The following EML6 variants were observed in gnomAD, a reference collection of about 807,000 sequenced individuals.
The protein encoded by EML6 is echinoderm microtubule-associated protein-like 6.
EML6 carries 154 observed loss-of-function variants against 240.1 expected under a neutral mutation model. The ratio of observed to expected loss-of-function variants is 0.64; its 90% confidence interval spans 0.56 to 0.73. EML6 has a LOEUF of 0.73. Ranked by LOEUF, EML6 falls within the 30% of genes least tolerant of loss-of-function variation. The pLI, the probability that EML6 is intolerant of heterozygous loss-of-function variation, is 0.00. For missense variants in EML6, 2,964 were observed against 2,474.6 expected (o/e 1.20, Z -4.20); for synonymous variants, 1,148 against 899.0 (o/e 1.28, Z -4.95).
At chr2:54,888,486 G>C (rs558103033) in intron 17 of EML6, among the ~76,000 whole-genome samples, 78 of 152,242 alleles carry the variant, frequency 5.1e-4, no homozygotes, top group African/African-American at 1.9e-3. Flanking sequence ...TGCCCTAAAA[G>C]TTCTTTGTGT....
At chr2:54,961,287 C>T (rs1037153898) in intron 35 of EML6, among the ~76,000 whole-genome samples, 2 of 147,952 alleles carry the variant, frequency 1.4e-5, no homozygotes, top group South Asian at 2.1e-4. Flanking sequence ...TGGGTTCGAG[C>T]GATTCTCCTG....
chr2:54,789,353 A>C (rs1010317750), intron 2 of EML6, among the ~76,000 whole-genome samples: 2 of 150,978 alleles, frequency 1.3e-5, no homozygotes, highest in African/African-American at 4.9e-5. Flanking sequence ...CTCTACTAAA[A>C]ATACAAAAAA....
At chr2:54,790,246 A>G (rs894004341) in intron 2 of EML6, among the ~76,000 whole-genome samples, 2 of 152,208 alleles carry the variant, frequency 1.3e-5, no homozygotes, top group African/African-American at 4.8e-5. Flanking sequence ...GTATGGTGAC[A>G]ATTCATCCAC....
intron 28 of EML6, among the ~76,000 whole-genome samples, chr2:54,935,087 A>T (rs1356690807): frequency 6.6e-6 from 1 of 151,986 alleles, no homozygotes; most frequent in African/African-American, 2.4e-5. Context: ...GGCTCAACAA[A>T]TTTTCATTAA....
At chr2:54,867,809 C>A (rs763135142) in intron 14 of EML6, 13 of 152,166 alleles carry the variant, frequency 8.5e-5, no homozygotes, top group African/African-American at 1.4e-4. Flanking sequence ...TTACATCATT[C>A]ATATTTCTAC....
At chr2:54,849,454 G>T (rs768461113) in intron 9 of EML6, among the ~76,000 whole-genome samples, 20 of 152,176 alleles carry the variant, frequency 1.3e-4, no homozygotes, top group South Asian at 2.1e-4. Flanking sequence ...TACTTTGGAA[G>T]CCCAAAATAT....
At chr2:54,873,540 A>G (rs1248597463) in intron 16 of EML6, among the ~76,000 whole-genome samples, 1 of 151,984 alleles carries the variant, frequency 6.6e-6, no homozygotes, top group Non-Finnish European at 1.5e-5. Flanking sequence ...AACCTAAAAG[A>G]AGCTGTAATT....
intron 28 of EML6, among the ~76,000 whole-genome samples, chr2:54,933,287 C>T (rs1674956536): frequency 2.0e-5 from 3 of 152,194 alleles, no homozygotes; most frequent in South Asian, 4.1e-4. Flanking sequence ...TGGAAATAGT[C>T]ACCTGCCACC....
At chr2:54,897,319 A>G (rs930177271) in intron 21 of EML6, among the ~76,000 whole-genome samples, 3 of 152,094 alleles carry the variant, frequency 2.0e-5, no homozygotes, top group Non-Finnish European at 2.9e-5. Context: ...ATTCTTTCCT[A>G]TGTTTGTTTC....
chr2:54,847,108 A>G (rs1330054528), intron 8 of EML6, among the ~76,000 whole-genome samples: 1 of 150,982 alleles, frequency 6.6e-6, no homozygotes, highest in Non-Finnish European at 1.5e-5. Flanking sequence ...GTGTCTCATT[A>G]TATTGCCCAG....
intron 18 of EML6, among the ~76,000 whole-genome samples, chr2:54,891,891 C>G (rs1351891481): frequency 6.6e-6 from 1 of 152,166 alleles, no homozygotes; most frequent in Non-Finnish European, 1.5e-5. Context: ...GTGTAAGGGA[C>G]AAATCTAATG....
At chr2:54,899,530 T>C (rs1444678638) in intron 21 of EML6, 111 bp from the exon 22 acceptor site, 10 of 1,084,606 alleles carry the variant, frequency 9.2e-6, no homozygotes, top group Non-Finnish European at 1.3e-5. Flanking sequence ...TGTTTATTCC[T>C]ATTTGTGCTT....
Position 54,725,267 on chromosome 2 carries a change from G to A in EML6, c.197+9G>A, listed in dbSNP as rs1312798553. The A allele has an allele frequency of 7.1e-7, 1 of 1,412,216 alleles. No homozygotes were observed. Among genetic ancestry groups the A allele is most frequent in the Admixed American group, 2.8e-5 (1 of 36,130 alleles). The allele number at this position is 1,412,216 out of a possible 1,614,324, so 87.5% of individuals were successfully genotyped here. A position where few individuals can be genotyped will look rare whatever the true frequency, so the allele number is the denominator to read the frequency against. ...AACGACGACATTATCAGGTAAGGGG[G>A]TGGCCAGGGGCGGCGGGGAGGGGTT... On this transcript the variant is annotated intron_variant, in intron 2 of 41. Coordinates refer to ENST00000356458, the MANE Select transcript of EML6 (RefSeq NM_001039753.4). The surrounding 1 kb of genome is among the most constrained non-coding windows in gnomAD (Gnocchi z 4.3).
intron 36 of EML6, among the ~76,000 whole-genome samples, chr2:54,963,041 A>C (rs1189675473): frequency 2.0e-5 from 3 of 151,932 alleles, no homozygotes; most frequent in African/African-American, 7.3e-5. Flanking sequence ...TCAAAATCCC[A>C]ACAAGGTTTC....
At chr2:54,948,800 TGGCCTAGACA>T in intron 28 of EML6, 72 bp from the exon 29 acceptor site, 1 of 1,080,556 alleles carries the variant, frequency 9.3e-7, no homozygotes. Flanking sequence ...AGGCCGGCAC[TGGCCTAGACA>T]GGCCACACCG....
At chr2:54,786,665 T>A (rs945407823) in intron 2 of EML6, among the ~76,000 whole-genome samples, 2 of 152,190 alleles carry the variant, frequency 1.3e-5, no homozygotes, top group Non-Finnish European at 2.9e-5. Context: ...ATTATAGGAC[T>A]CCATTGAGTC....
intron 8 of EML6, among the ~76,000 whole-genome samples, chr2:54,846,356 A>G (rs1669752885): frequency 6.6e-6 from 1 of 151,944 alleles, no homozygotes; most frequent in Non-Finnish European, 1.5e-5. Context: ...ACATACATAT[A>G]TAATTATATT....
chr2:54,962,441 G>T (rs1676562348), intron 35 of EML6, 82 bp from the exon 36 acceptor site: 7 of 1,080,046 alleles, frequency 6.5e-6, no homozygotes, highest in Non-Finnish European at 9.0e-6. Flanking sequence ...CTGTCTCCAT[G>T]AATTTGTCTA....
intron 16 of EML6, 120 bp from the exon 17 acceptor site, chr2:54,879,427 C>T (rs898398028): frequency 1.5e-6 from 1 of 672,596 alleles, no homozygotes; most frequent in African/African-American, 1.8e-5. Context: ...GCAGCTATCA[C>T]ATCCATCACC....
Sources: allele counts gnomAD v4.1 joint callset (sites outside exome capture counted in the v4.1 genomes callset), GRCh38; gene constraint gnomAD v4.1.1; non-coding constraint Gnocchi (gnomAD v3.1); transcripts MANE v1.5; gene names NCBI Gene and HGNC (gene_info 2026-07-23, HGNC 2026-07-21).